SYCP2: variants seen among roughly 807,000 people sequenced by gnomAD.
SYCP2 encodes the protein synaptonemal complex protein 2, also known as synaptonemal complex lateral element protein.
In SYCP2, 55 loss-of-function variants were observed where a neutral mutation model predicts 211.3. The ratio of observed to expected loss-of-function variants is 0.26; its 90% CI spans 0.21 to 0.33. SYCP2 has a LOEUF of 0.33. Among genes scored for constraint, SYCP2 ranks in the 10% least tolerant of loss-of-function variants. The probability of loss-of-function intolerance (pLI) is 1.00; values close to 1 mark genes in which losing one functional copy is unlikely to be tolerated. For synonymous variants in SYCP2, 570 were observed against 555.2 expected, an observed-to-expected ratio of 1.03 and a Z score of -0.37; for missense variants, 1,731 against 1,752.0, an observed-to-expected ratio of 0.99 and a Z score of 0.21.
chr20:59,899,752 G>A lies in SYCP2; in HGVS notation c.1404+386C>T, dbSNP rs1600903720. ...GTGACCTAGAGGAGGTCCTTCAATG[G>A]AAAAGAAAAGGAGTAAAAGAAAGAA... On this transcript the variant is annotated intron_variant, in intron 18 of 44. Coordinates refer to ENST00000357552, the MANE Select transcript of SYCP2 (RefSeq NM_014258.4). Among the ~76,000 whole-genome samples the A allele has an allele frequency of 2.0e-5, 3 of 151,956 alleles. No homozygotes were observed. In the South Asian group the frequency reaches 6.2e-4, roughly 32 times the overall value.
intron 2 of SYCP2, among the ~76,000 whole-genome samples, 186 bp from the exon 3 acceptor site, chr20:59,922,645 C>T (rs966843445): frequency 1.3e-5 from 2 of 151,580 alleles, no homozygotes; most frequent in Non-Finnish European, 3.0e-5. Context: ...AGAGAAAAGC[C>T]TGAAGATCAT....
chr20:59,906,948 A>G (rs559255963), intron 15 of SYCP2, among the ~76,000 whole-genome samples: 1 of 152,346 alleles, frequency 6.6e-6, no homozygotes, highest in Admixed American at 6.5e-5. Context: ...AACATGAGAT[A>G]TTATTACATG....
At chr20:59,894,194 C>T (rs897591908) in intron 20 of SYCP2, among the ~76,000 whole-genome samples, 19 of 151,972 alleles carry the variant, frequency 1.3e-4, no homozygotes, top group African/African-American at 3.4e-4. Flanking sequence ...TATTTTGCCT[C>T]ATCCTGGCTG....
At chr20:59,927,880 G>A (rs2060662962) in intron 2 of SYCP2, among the ~76,000 whole-genome samples, 3 of 152,102 alleles carry the variant, frequency 2.0e-5, no homozygotes, top group Non-Finnish European at 4.4e-5. Context: ...TGTTCCTTCT[G>A]GAAGCTCTGC....
rs751299527 is a variant in SYCP2 at position 59,900,816 on chromosome 20, T to C, written c.1185A>G (p.Glu395=). 1 of 1,607,592 alleles carries C rather than the reference T, an allele frequency of 6.2e-7. No individual in the cohort carries two copies. Among genetic ancestry groups the C allele is most frequent in the South Asian group, 1.1e-5 (1 of 90,808 alleles). Residue 395 remains glutamate (E), a splice_region_variant and synonymous_variant, in exon 17 of 45, where the codon GAA becomes GAG. Coordinates refer to ENST00000357552, the MANE Select transcript of SYCP2 (RefSeq NM_014258.4). ...CTGAAATACCTTGTTTTCTGATAGA[T>C]TCCTAAAATTAAATCAATTCACAGT... is the stretch of plus-strand genomic sequence containing the variant. The part of the protein sequence containing the change: ...QKIFGATKHR[E]SIRKQGISVA...
intron 14 of SYCP2, among the ~76,000 whole-genome samples, chr20:59,911,223 T>TA (rs1460832998): frequency 6.6e-6 from 1 of 152,066 alleles, no homozygotes; most frequent in Non-Finnish European, 1.5e-5. Flanking sequence ...TTTCCTCAGG[T>TA]AAAAAATATG....
At chr20:59,876,400 A>AAAAAAAAAAAAAAAAAAAAG in intron 33 of SYCP2, among the ~76,000 whole-genome samples, 1 of 140,690 alleles carries the variant, frequency 7.1e-6, no homozygotes, top group Non-Finnish European at 1.5e-5. Flanking sequence ...AAAAAAAAAA[A>AAAAAAAAAAAAAAAAAAAAG]AAAAAAAAAA....
chr20:59,876,769 C>G (rs2059568873), intron 33 of SYCP2, among the ~76,000 whole-genome samples: 1 of 151,974 alleles, frequency 6.6e-6, no homozygotes, highest in Admixed American at 6.6e-5. Flanking sequence ...TATTTATATA[C>G]TATACACATA....
chr20:59,932,688 CA>C (rs556042560), intron 1 of SYCP2, among the ~76,000 whole-genome samples: 1 of 151,066 alleles, frequency 6.6e-6, no homozygotes, highest in Non-Finnish European at 1.5e-5. Context: ...AAAAAAACAA[CA>C]AAAAAAAACC....
chr20:59,907,082 A>C (rs1284873991), intron 15 of SYCP2, among the ~76,000 whole-genome samples: 1 of 152,174 alleles, frequency 6.6e-6, no homozygotes, highest in East Asian at 1.9e-4. Flanking sequence ...AGATTTAATC[A>C]AGCAAATGGG....
chr20:59,915,059 A>G lies in SYCP2; in HGVS notation c.634+106T>C, dbSNP rs1015878359. On this transcript the variant is annotated intron_variant, in intron 10 of 44. Transcript: ENST00000357552. The stretch of plus-strand genomic sequence containing the variant: ...AATTGCTTAATTGTACATAATGTTT[A>G]TAATTCCCTCAGTCTCACATTGCTA... The G allele has an allele frequency of 1.0e-5, 8 of 763,414 alleles. No homozygotes were observed. In the Admixed American group the frequency reaches 1.9e-4, roughly 19 times the overall value. 47.3% of individuals were successfully genotyped at this position (763,414 alleles called of 1,614,324 possible).
intron 15 of SYCP2, among the ~76,000 whole-genome samples, chr20:59,906,446 GGAAAA>G (rs1179334064): frequency 1.3e-5 from 2 of 151,872 alleles, no homozygotes; most frequent in African/African-American, 4.8e-5. Flanking sequence ...GAAATCCAAT[GGAAAA>G]GAAAAGCCTT....
At chr20:59,920,555 G>A in intron 4 of SYCP2, 68 bp from the exon 5 acceptor site, 1 of 1,246,616 alleles carries the variant, frequency 8.0e-7, no homozygotes. Context: ...ATTGTACAAG[G>A]AGTGTTACAC....
Position 59,915,466 on chromosome 20 carries a change from T to C in SYCP2, c.598A>G (p.Met200Val). The C allele has an allele frequency of 6.3e-7, 1 of 1,579,046 alleles. No individual in the cohort carries two copies. The change falls in exon 9 of 45, where the codon ATG becomes GTG. Residue 200 changes from methionine to valine, a missense_variant and splice_region_variant. Coordinates refer to ENST00000357552, the MANE Select transcript of SYCP2 (RefSeq NM_014258.4). The part of the protein sequence containing the change: ...ILSNQEMLIL[M>V]SSMGERILDA... ...AACCATATAAGTACAGATTATTACATGAGAATTAACATTTCTTGGTTAGAG... is the reference window on the plus strand; with the variant it reads ...AACCATATAAGTACAGATTATTACACGAGAATTAACATTTCTTGGTTAGAG...
Position 59,880,335 on chromosome 20 carries a change from T to G in SYCP2, c.2909A>C (p.Lys970Thr). Reference protein sequence around the residue: ...KPQLIDYSRNKNVKNHKSGKS... With the variant: ...KPQLIDYSRNTNVKNHKSGKS... ...TCCACTTTTATGATTCTTCACATTT[T>G]TATTTCTGCTATAGTCTATTAGCTG... Residue 970 changes from lysine to threonine, a missense_variant, in exon 31 of 45, where the codon AAA (lysine) becomes ACA (threonine). Coordinates refer to ENST00000357552, the MANE Select transcript of SYCP2 (RefSeq NM_014258.4). 6.3e-7 allele frequency: 1 copy of G among 1,591,892 alleles called. No individual in the cohort carries two copies. The highest frequency in any genetic ancestry group is 8.6e-7 in the Non-Finnish European group (1 of 1,167,090).
In SYCP2 at chr20:59,877,233, TA is replaced by T. The variant is rs766281887; in HGVS notation, c.3150+151del. On this transcript the variant is annotated intron_variant, in intron 33 of 44. Coordinates refer to ENST00000357552, the MANE Select transcript of SYCP2 (RefSeq NM_014258.4). ...TTACAAAATTTAGCATTATATTGCC[TA>T]AGGGCAAATTTCTAGAATTATTATT... is the stretch of plus-strand genomic sequence containing the variant. The T allele has an allele frequency of 1.4e-3, 862 of 614,616 alleles. 2 individuals are homozygous for T. The highest frequency in any genetic ancestry group is 1.3e-3 in the Non-Finnish European group (536 of 412,640). The allele number at this position is 614,616 out of a possible 1,614,324, so 38.1% of individuals were successfully genotyped here.
At chr20:59,870,655 G>C (rs915076130) in intron 35 of SYCP2, among the ~76,000 whole-genome samples, 6 of 151,776 alleles carry the variant, frequency 4.0e-5, no homozygotes, top group African/African-American at 1.5e-4. Flanking sequence ...AAATGTATAT[G>C]AATCAGTAAA....
intron 24 of SYCP2, among the ~76,000 whole-genome samples, chr20:59,891,577 G>C (rs77283274): frequency 6.6e-6 from 1 of 151,858 alleles, no homozygotes; most frequent in Non-Finnish European, 1.5e-5. Flanking sequence ...GTGTATAAAG[G>C]CTGTGCTAGG....
At chr20:59,905,140 A>C (rs1362740483) in intron 15 of SYCP2, among the ~76,000 whole-genome samples, 1 of 152,180 alleles carries the variant, frequency 6.6e-6, no homozygotes, top group African/African-American at 2.4e-5. Flanking sequence ...GAACAAATGG[A>C]AGTCTTATAA....
Sources: allele counts gnomAD v4.1 joint callset (sites outside exome capture counted in the v4.1 genomes callset), GRCh38; gene constraint gnomAD v4.1.1; transcripts MANE v1.5; gene names NCBI Gene and HGNC (gene_info 2026-07-23, HGNC 2026-07-21).